Variants in KCNIP4 observed in about 807,000 individuals in gnomAD.
The protein encoded by KCNIP4 is Kv channel-interacting protein 4.
A neutral mutation model predicts 34.0 loss-of-function variants in KCNIP4; 12 were observed. The ratio of observed to expected loss-of-function variants is 0.35; its 90% CI spans 0.23 to 0.57. The LOEUF (loss-of-function observed/expected upper bound fraction) is 0.57, where lower values mean the gene tolerates loss of function less well. Ranked by LOEUF, KCNIP4 falls within the 20% of genes least tolerant of loss-of-function variation. The pLI is 0.83. For synonymous variants in KCNIP4, 124 were observed against 102.2 expected, an observed-to-expected ratio of 1.21 and a Z score of -1.29; for missense variants, 238 against 311.7, an observed-to-expected ratio of 0.76 and a Z score of 1.78.
intron 1 of KCNIP4, among the ~76,000 whole-genome samples, chr4:21,545,856 G>A (rs888312030): frequency 6.6e-6 from 1 of 152,120 alleles, no homozygotes; most frequent in African/African-American, 2.4e-5. Flanking sequence ...GTGTGCGTGT[G>A]TCTTTATGGT....
At chr4:21,188,247 C>T (rs17448392) in intron 1 of KCNIP4, among the ~76,000 whole-genome samples, 23,987 of 152,040 alleles carry the variant, frequency 0.16, 2,127 homozygotes, top group African/African-American at 0.24. Context: ...CAGTTTTGTG[C>T]TGGAGTGAAG....
chr4:21,862,813 T>G (rs1444623984), intron 1 of KCNIP4, among the ~76,000 whole-genome samples: 2 of 151,944 alleles, frequency 1.3e-5, no homozygotes, highest in African/African-American at 4.8e-5. Flanking sequence ...TACAAAAAAT[T>G]AGCCGGGCGT....
At chr4:21,650,051 C>T (rs1747356549) in intron 1 of KCNIP4, among the ~76,000 whole-genome samples, 1 of 152,182 alleles carries the variant, frequency 6.6e-6, no homozygotes, top group African/African-American at 2.4e-5. Context: ...TAACCCCAAA[C>T]TCAATCTGCA....
chr4:20,920,919 G>A (rs1240197331), intron 1 of KCNIP4, among the ~76,000 whole-genome samples: 1 of 152,072 alleles, frequency 6.6e-6, no homozygotes, highest in Non-Finnish European at 1.5e-5. Flanking sequence ...AACCCGGGAG[G>A]TGGAGTTTGC....
chr4:21,540,685 G>T (rs981081100), intron 1 of KCNIP4, among the ~76,000 whole-genome samples: 1 of 152,056 alleles, frequency 6.6e-6, no homozygotes, highest in Non-Finnish European at 1.5e-5. Flanking sequence ...GTTTAATCTT[G>T]TTTGATCCAT....
intron 1 of KCNIP4, among the ~76,000 whole-genome samples, chr4:21,503,593 T>A (rs1331714535): frequency 6.6e-6 from 1 of 152,206 alleles, no homozygotes; most frequent in African/African-American, 2.4e-5. Context: ...TGGGATCTTT[T>A]TTTTTCTTTT....
chr4:21,571,798 C>T (rs1329307842), intron 1 of KCNIP4, among the ~76,000 whole-genome samples: 1 of 152,038 alleles, frequency 6.6e-6, no homozygotes, highest in East Asian at 1.9e-4. Context: ...TGGGGAGTGT[C>T]CACACAAATG....
chr4:20,973,126 TCTC>T (rs1262402485), intron 1 of KCNIP4, among the ~76,000 whole-genome samples: 1 of 152,142 alleles, frequency 6.6e-6, no homozygotes, highest in African/African-American at 2.4e-5. Flanking sequence ...GACACTGACT[TCTC>T]CTCTCTAGCT....
At chr4:21,654,255 T>C (rs953453182) in intron 1 of KCNIP4, among the ~76,000 whole-genome samples, 1 of 152,190 alleles carries the variant, frequency 6.6e-6, no homozygotes, top group African/African-American at 2.4e-5. Flanking sequence ...CCTCAGAGTA[T>C]CATATAATTA....
rs145562711 is a variant in KCNIP4 at position 21,067,945 on chromosome 4, G to A, written c.62-185236C>T. Among the ~76,000 whole-genome samples, 495 of 152,212 alleles carry A rather than the reference G, an allele frequency of 3.3e-3. 2 individuals are homozygous for A. Among genetic ancestry groups the A allele is most frequent in the African/African-American group, 0.011 (452 of 41,520 alleles). On this transcript the variant is annotated intron_variant, in intron 1 of 8. Coordinates refer to ENST00000382152, the MANE Select transcript of KCNIP4 (RefSeq NM_025221.6). ...TATGTTGCCCAAATGAAAATATTCT[G>A]TTGCAAATTATTGAAATGTAAAATT...
chr4:21,943,878 T>C (rs966813404), intron 1 of KCNIP4, among the ~76,000 whole-genome samples: 1 of 151,352 alleles, frequency 6.6e-6, no homozygotes, highest in Admixed American at 6.6e-5. Flanking sequence ...AAGAGACAGA[T>C]ATAAAATACA....
intron 1 of KCNIP4, among the ~76,000 whole-genome samples, chr4:21,365,936 C>T (rs540934505): frequency 6.6e-6 from 1 of 152,314 alleles, no homozygotes; most frequent in African/African-American, 2.4e-5. Context: ...ATTCTGTTTT[C>T]TCATGCTTAC....
intron 1 of KCNIP4, among the ~76,000 whole-genome samples, chr4:21,624,857 T>C (rs1048980622): frequency 2.0e-5 from 3 of 152,146 alleles, no homozygotes; most frequent in Admixed American, 6.6e-5. Flanking sequence ...TTTGAAAGAC[T>C]CTTAACAGGT....
chr4:21,516,733 G>A (rs941472606), intron 1 of KCNIP4, among the ~76,000 whole-genome samples: 2 of 152,114 alleles, frequency 1.3e-5, no homozygotes, highest in African/African-American at 2.4e-5. Flanking sequence ...GGAACATGAA[G>A]TTGTATCTGA....
At chr4:21,878,092 G>A (rs992087162) in intron 1 of KCNIP4, among the ~76,000 whole-genome samples, 7 of 152,098 alleles carry the variant, frequency 4.6e-5, no homozygotes, top group African/African-American at 1.7e-4. Context: ...CTGTTGCCCA[G>A]GCTGGAGTGC....
chr4:21,014,280 G>A (rs957341263), intron 1 of KCNIP4, among the ~76,000 whole-genome samples: 2 of 152,114 alleles, frequency 1.3e-5, no homozygotes, highest in Non-Finnish European at 2.9e-5. Flanking sequence ...AACTTAGGAG[G>A]TGTCTTGAAT....
At chr4:20,782,516 T>C (rs939024386) in intron 3 of KCNIP4, among the ~76,000 whole-genome samples, 3 of 152,112 alleles carry the variant, frequency 2.0e-5, no homozygotes, top group Non-Finnish European at 2.9e-5. Context: ...CTGTGCAGGC[T>C]CAACACCACA....
intron 3 of KCNIP4, among the ~76,000 whole-genome samples, chr4:20,807,291 A>G (rs1179522565): frequency 1.3e-5 from 2 of 152,130 alleles, no homozygotes; most frequent in African/African-American, 4.8e-5. Context: ...TGTCAGTATA[A>G]ATGGAACTAC....
chr4:21,156,019 T>C (rs1247256845), intron 1 of KCNIP4, among the ~76,000 whole-genome samples: 1 of 152,140 alleles, frequency 6.6e-6, no homozygotes. Flanking sequence ...TTTCAATAAA[T>C]AGGTAAGCAC....
Sources: allele counts gnomAD v4.1 joint callset (sites outside exome capture counted in the v4.1 genomes callset), GRCh38; gene constraint gnomAD v4.1.1; transcripts MANE v1.5; gene names NCBI Gene and HGNC (gene_info 2026-07-23, HGNC 2026-07-21).